The following ASXL2 variants were observed in gnomAD, a reference collection of about 807,000 sequenced individuals.
ASXL2 encodes the protein putative Polycomb group protein ASXL2.
Under a neutral mutation model 122.0 loss-of-function variants are expected in ASXL2, and 23 were observed. That is an observed-to-expected ratio of 0.19 (90% CI 0.14 to 0.27). The LOEUF (loss-of-function observed/expected upper bound fraction) is 0.27. Ranked by LOEUF, ASXL2 falls within the 10% of genes least tolerant of loss-of-function variation. The probability of loss-of-function intolerance (pLI) is 1.00; values close to 1 mark genes in which losing one functional copy is unlikely to be tolerated. For missense variants in ASXL2, 1,518 were observed against 1,713.8 expected (o/e 0.89, Z 2.02); for synonymous variants, 650 against 637.0 (o/e 1.02, Z -0.31).
intron 3 of ASXL2, chr2:25,810,662 C>A: frequency 1.3e-6 from 1 of 766,164 alleles, no homozygotes; most frequent in South Asian, 1.4e-5. Context: ...GCCATGGTGC[C>A]CACCCAGCTA....
chr2:25,878,360 G>C lies in ASXL2; in HGVS notation c.-138C>G. On this transcript the variant is annotated 5_prime_UTR_variant, in exon 1 of 13. Transcript: ENST00000435504. ...GAAGTCAGACCGGGGGGGCACCCAAGCAGAGGAAGCGGCGGGGGTGGTGCG... is the reference window on the plus strand; with the variant it reads ...GAAGTCAGACCGGGGGGGCACCCAACCAGAGGAAGCGGCGGGGGTGGTGCG... The C allele has an allele frequency of 2.6e-5, 18 of 684,030 alleles. No individual in the cohort carries two copies. Among genetic ancestry groups the C allele is most frequent in the East Asian group, 3.3e-5 (1 of 30,640 alleles). 42.4% of individuals were successfully genotyped at this position (684,030 alleles called of 1,614,324 possible).
intron 4 of ASXL2, 92 bp from the exon 5 acceptor site, chr2:25,799,627 C>T (rs1056131225): frequency 1.4e-6 from 2 of 1,451,256 alleles, no homozygotes; most frequent in African/African-American, 1.4e-5. Context: ...AACTTAATTG[C>T]ACTAATTTTT....
At chr2:25,757,076 C>T (rs142628039) in intron 9 of ASXL2, among the ~76,000 whole-genome samples, 1 of 152,218 alleles carries the variant, frequency 6.6e-6, no homozygotes, top group African/African-American at 2.4e-5. Flanking sequence ...TATCATGGGC[C>T]TTCTAATATA....
chr2:25,825,284 A>G (rs193131962), intron 3 of ASXL2, among the ~76,000 whole-genome samples: 51 of 152,356 alleles, frequency 3.3e-4, no homozygotes, highest in Admixed American at 1.3e-4. Context: ...CCCCATTCAA[A>G]TAAATGCAAA....
chr2:25,868,550 CAG>C (rs963052098), intron 1 of ASXL2, among the ~76,000 whole-genome samples: 23 of 152,326 alleles, frequency 1.5e-4, no homozygotes, highest in African/African-American at 5.3e-4. Flanking sequence ...CAAGCAAGGT[CAG>C]ACTTAAGAAT....
chr2:25,754,134 G>C (rs2088092926), intron 10 of ASXL2, among the ~76,000 whole-genome samples: 1 of 152,014 alleles, frequency 6.6e-6, no homozygotes, highest in Admixed American at 6.6e-5. Context: ...TAAAAAGGTA[G>C]GGAGTTATTC....
At chr2:25,830,326 A>G (rs2089434919) in intron 3 of ASXL2, among the ~76,000 whole-genome samples, 1 of 152,226 alleles carries the variant, frequency 6.6e-6, no homozygotes, top group South Asian at 2.1e-4. Context: ...CAGATGTGAA[A>G]ATTGTAAGAA....
At chr2:25,776,792 T>C (rs758763459) in intron 5 of ASXL2, among the ~76,000 whole-genome samples, 1 of 152,146 alleles carries the variant, frequency 6.6e-6, no homozygotes, top group Non-Finnish European at 1.5e-5. Flanking sequence ...CCCCAAATAC[T>C]GCCTGATTAC....
At chr2:25,822,662 C>A in intron 3 of ASXL2, 1 of 648,318 alleles carries the variant, frequency 1.5e-6, no homozygotes, top group Non-Finnish European at 2.8e-6. Flanking sequence ...TGATTCCAAG[C>A]ATAAAAAAAA....
chr2:25,860,366 GGA>G (rs1406869534), intron 1 of ASXL2, among the ~76,000 whole-genome samples: 2 of 151,794 alleles, frequency 1.3e-5, no homozygotes, highest in Non-Finnish European at 2.9e-5. Context: ...AAAGCTTGTG[GGA>G]TATAGCAAAA....
intron 1 of ASXL2, among the ~76,000 whole-genome samples, chr2:25,853,310 G>A (rs1326589990): frequency 6.6e-6 from 1 of 152,150 alleles, no homozygotes; most frequent in African/African-American, 2.4e-5. Flanking sequence ...AGACAGAAAT[G>A]TGATCTAACA....
chr2:25,773,824 A>G (rs1303919956), intron 5 of ASXL2, among the ~76,000 whole-genome samples: 1 of 151,724 alleles, frequency 6.6e-6, no homozygotes, highest in Non-Finnish European at 1.5e-5. Flanking sequence ...TGAGGTTAGG[A>G]GTTCAAGACC....
intron 1 of ASXL2, among the ~76,000 whole-genome samples, chr2:25,854,539 T>G (rs1467569533): frequency 2.6e-5 from 4 of 152,198 alleles, no homozygotes; most frequent in Non-Finnish European, 4.4e-5. Context: ...TTATAATTCC[T>G]CAAAAAGAAG....
At chr2:25,849,631 C>T (rs1224317384) in intron 1 of ASXL2, among the ~76,000 whole-genome samples, 1 of 151,922 alleles carries the variant, frequency 6.6e-6, no homozygotes, top group African/African-American at 2.4e-5. Flanking sequence ...TATGCCACCA[C>T]ACCTGGCTAA....
chr2:25,765,412 G>A (rs2088328652), intron 8 of ASXL2, among the ~76,000 whole-genome samples: 1 of 152,006 alleles, frequency 6.6e-6, no homozygotes. Context: ...CATGAACACG[G>A]GAGGCAGAGC....
At chr2:25,756,496 G>A (rs2088138720) in intron 9 of ASXL2, among the ~76,000 whole-genome samples, 1 of 149,446 alleles carries the variant, frequency 6.7e-6, no homozygotes, top group African/African-American at 2.4e-5. Flanking sequence ...AAAGAAGGAT[G>A]GACTAAAAAT....
chr2:25,758,280 T>G (rs996768808), intron 9 of ASXL2, among the ~76,000 whole-genome samples: 1 of 152,264 alleles, frequency 6.6e-6, no homozygotes, highest in Non-Finnish European at 1.5e-5. Flanking sequence ...TAATGAATTC[T>G]GTAGCTTACT....
At position 25,768,830 on chromosome 2, in the gene ASXL2, TTGC is replaced by T. The variant is rs1559505607; in HGVS notation, c.540_542del (p.Gln181del). 3.7e-6 allele frequency: 6 copies of T among 1,613,798 alleles called. No homozygotes were observed. ...AGGAGATGGATATGCTTGGCCTGCATTGCTGCTGCTGCTTCTTCTGCTGTTGCT... is the reference window on the plus strand; with the variant it reads ...AGGAGATGGATATGCTTGGCCTGCATTGCTGCTGCTTCTTCTGCTGTTGCT... On this transcript the variant is annotated inframe_deletion, in exon 7 of 13. Coordinates refer to ENST00000435504, the MANE Select transcript of ASXL2 (RefSeq NM_018263.6).
At chr2:25,845,740 C>A (rs1469812809) in intron 1 of ASXL2, among the ~76,000 whole-genome samples, 177 bp from the exon 2 acceptor site, 2 of 152,104 alleles carry the variant, frequency 1.3e-5, no homozygotes, top group African/African-American at 4.8e-5. Context: ...CTACCTGTGA[C>A]CTACTGCAAG....
Sources: gnomAD v4.1 joint callset for allele counts (sites outside exome capture counted in the v4.1 genomes callset) on GRCh38, gnomAD v4.1.1 for gene constraint, MANE v1.5 for transcripts, NCBI Gene and HGNC (gene_info 2026-07-23, HGNC 2026-07-21) for gene names.